MEGF11: variants seen among roughly 807,000 people sequenced by gnomAD.
MEGF11 encodes multiple epidermal growth factor-like domains protein 11.
MEGF11 carries 126 observed loss-of-function variants against 146.6 expected under a neutral mutation model. The ratio of observed to expected loss-of-function variants is 0.86; its 90% CI spans 0.74 to 1.00. The LOEUF is 1.00. Ranked by LOEUF, MEGF11 falls within the 50% of genes least tolerant of loss-of-function variation. The probability of loss-of-function intolerance (pLI) is 0.00; values close to 1 mark genes in which losing one functional copy is unlikely to be tolerated. For synonymous variants in MEGF11, 532 were observed against 583.4 expected (o/e 0.91, Z 1.27); for missense variants, 1,509 against 1,521.2 (o/e 0.99, Z 0.13).
At chr15:66,020,174 G>C (rs192692422) in intron 5 of MEGF11, among the ~76,000 whole-genome samples, 6 of 152,240 alleles carry the variant, frequency 3.9e-5, no homozygotes, top group Admixed American at 3.9e-4. Flanking sequence ...TGGTCGCAGC[G>C]ATTGGTTCTG....
chr15:66,144,999 T>G (rs75166441), intron 1 of MEGF11, among the ~76,000 whole-genome samples: 1 of 152,080 alleles, frequency 6.6e-6, no homozygotes, highest in Non-Finnish European at 1.5e-5. Context: ...CAAAGAGGAG[T>G]GATGGCAGAG....
chr15:65,934,562 C>T (rs2079696990), intron 10 of MEGF11, among the ~76,000 whole-genome samples: 2 of 152,086 alleles, frequency 1.3e-5, no homozygotes, highest in African/African-American at 4.8e-5. Context: ...AAAGTGAGGT[C>T]GTTTTGTATG....
At chr15:66,038,652 A>C (rs189401856) in intron 5 of MEGF11, among the ~76,000 whole-genome samples, 1 of 152,186 alleles carries the variant, frequency 6.6e-6, no homozygotes, top group African/African-American at 2.4e-5. Flanking sequence ...CTAAGTCCCC[A>C]TTGCTTCAGT....
rs549826970 is a variant in MEGF11 at position 66,108,076 on chromosome 15, G to A, written c.301+11010C>T. 9.2e-5 allele frequency among the ~76,000 whole-genome samples: 14 copies of A among 152,304 alleles called. No individual in the cohort carries two copies. In the East Asian group the frequency reaches 9.6e-4, roughly 10 times the overall value. On this transcript the variant is annotated intron_variant, in intron 4 of 25. Coordinates refer to ENST00000395614, the MANE Select transcript of MEGF11 (RefSeq NM_001385028.1). ...GAGCAGGATGGGGGTTCAAGGAGGC[G>A]AGGGCAGCCTGCACGAAGCCCCAGG...
chr15:65,951,552 T>C (rs1299587276), intron 10 of MEGF11, among the ~76,000 whole-genome samples: 3 of 152,114 alleles, frequency 2.0e-5, no homozygotes, highest in Non-Finnish European at 4.4e-5. Flanking sequence ...CTGGATGTGT[T>C]GGCACATGCC....
intron 15 of MEGF11, 147 bp downstream of exon 15, chr15:65,922,191 A>G (rs1391721692): frequency 9.8e-6 from 9 of 914,366 alleles, no homozygotes; most frequent in South Asian, 3.5e-5. Context: ...GTGGGGCTCA[A>G]TTCTCATAAA....
At chr15:65,987,482 AT>A (rs574234367) in intron 5 of MEGF11, among the ~76,000 whole-genome samples, 43 of 152,004 alleles carry the variant, frequency 2.8e-4, no homozygotes, top group South Asian at 4.1e-4. Context: ...GTTTACTCAG[AT>A]TTTTTTTCTA....
chr15:66,211,850 A>G (rs943903918), intron 1 of MEGF11, among the ~76,000 whole-genome samples: 5 of 151,832 alleles, frequency 3.3e-5, no homozygotes, highest in Admixed American at 6.6e-5. Context: ...CCTTCTCTAC[A>G]TAACTACCCC....
At chr15:66,124,082 G>T in intron 2 of MEGF11, 82 bp from the exon 3 acceptor site, 1 of 1,116,476 alleles carries the variant, frequency 9.0e-7, no homozygotes, top group East Asian at 2.4e-5. Flanking sequence ...TGAGCCCACA[G>T]CCCTGAGGCC....
chr15:66,076,103 G>A (rs535319226), intron 5 of MEGF11, among the ~76,000 whole-genome samples: 139 of 152,300 alleles, frequency 9.1e-4, no homozygotes, highest in African/African-American at 3.1e-3. Context: ...ACAGATGGAT[G>A]GAAGAATAAA....
chr15:66,195,322 A>C (rs2090982110), intron 1 of MEGF11, among the ~76,000 whole-genome samples: 1 of 152,244 alleles, frequency 6.6e-6, no homozygotes. Context: ...GGACACCATC[A>C]GTCCACAACA....
chr15:66,055,642 C>T (rs1013024941), intron 5 of MEGF11, among the ~76,000 whole-genome samples: 20 of 152,002 alleles, frequency 1.3e-4, no homozygotes, highest in African/African-American at 4.4e-4. Flanking sequence ...CGGGACTCAA[C>T]ACAGTTTTCA....
At chr15:65,966,849 A>T (rs573405346) in intron 8 of MEGF11, among the ~76,000 whole-genome samples, 1 of 151,922 alleles carries the variant, frequency 6.6e-6, no homozygotes, top group Admixed American at 6.6e-5. Flanking sequence ...ATGTGCCTCA[A>T]CACCCCTTAC....
In MEGF11 at chr15:65,896,640, T is replaced by C. The variant is rs1349692546; in HGVS notation, c.*1294A>G. 1 of 152,552 alleles carries C rather than the reference T, an allele frequency of 6.6e-6. No homozygotes were observed. Among genetic ancestry groups the C allele is most frequent in the Non-Finnish European group, 1.5e-5 (1 of 68,060 alleles). The allele number at this position is 152,552 out of a possible 1,614,324, so 9.4% of individuals were successfully genotyped here. On this transcript the variant is annotated 3_prime_UTR_variant, in exon 26 of 26. Transcript: ENST00000395614. ...GGCTTGGGAGTTGATTTCATTTCATTTGGACTTATCTGAGCCTCAGTTTAT... is the reference window on the plus strand; with the variant it reads ...GGCTTGGGAGTTGATTTCATTTCATCTGGACTTATCTGAGCCTCAGTTTAT...
At position 66,123,889 on chromosome 15, in the gene MEGF11, A is replaced by G. The variant is rs371233440; in HGVS notation, c.200+10T>C. On this transcript the variant is annotated intron_variant, in intron 3 of 25. Transcript: ENST00000395614. ...TTTTCCCTGCCCCATCATCTGAGAGAGGTACTCACCGGTGCCTGGTGCACT... is the reference window on the plus strand; with the variant it reads ...TTTTCCCTGCCCCATCATCTGAGAGGGGTACTCACCGGTGCCTGGTGCACT... 30 of 1,607,588 alleles carry G rather than the reference A, an allele frequency of 1.9e-5. No homozygotes were observed. Among genetic ancestry groups the G allele is most frequent in the Non-Finnish European group, 2.6e-5 (30 of 1,174,214 alleles).
chr15:66,186,924 G>A (rs569545972), intron 1 of MEGF11, among the ~76,000 whole-genome samples: 1 of 152,336 alleles, frequency 6.6e-6, no homozygotes, highest in Admixed American at 6.5e-5. Context: ...TGGCTTTGAA[G>A]TGAATCCTAT....
At chr15:66,215,034 C>T (rs1232247968) in intron 1 of MEGF11, among the ~76,000 whole-genome samples, 1 of 152,098 alleles carries the variant, frequency 6.6e-6, no homozygotes, top group Non-Finnish European at 1.5e-5. Context: ...GGTAAAGAGT[C>T]TTGATGTTCT....
intron 10 of MEGF11, 41 bp downstream of exon 10, chr15:65,957,506 G>A (rs1340316277): frequency 6.3e-7 from 1 of 1,589,010 alleles, no homozygotes; most frequent in Admixed American, 1.7e-5. Context: ...AACTGGCCCG[G>A]TGGAGGTCAG....
Position 65,929,810 on chromosome 15 carries a change from G to A in MEGF11, c.1482C>T (p.Thr494=), listed in dbSNP as rs1025134300. 1.9e-6 allele frequency: 3 copies of A among 1,579,204 alleles called. No homozygotes were observed. In the Admixed American group the frequency reaches 5.5e-5, roughly 29 times the overall value. Residue 494 remains threonine (T), a synonymous_variant, in exon 12 of 26, where the codon ACC becomes ACT. Coordinates refer to ENST00000395614, the MANE Select transcript of MEGF11 (RefSeq NM_001385028.1). ...TWGLNCNESC[T]CANGAACSPI... is the part of the protein sequence containing the mutation. ...GGCTGCAGGCTGCCCCATTGGCACA[G>A]GTGCAGCTCTCGTTGCAGTTCAGGC...
Sources: gnomAD v4.1 joint callset for allele counts (sites outside exome capture counted in the v4.1 genomes callset) on GRCh38, gnomAD v4.1.1 for gene constraint, MANE v1.5 for transcripts, NCBI Gene and HGNC (gene_info 2026-07-23, HGNC 2026-07-21) for gene names.